Variants in ZNF385D observed in about 807,000 individuals in gnomAD.
The protein encoded by ZNF385D is zinc finger protein 659.
A neutral mutation model predicts 35.8 loss-of-function variants in ZNF385D; 15 were observed. The observed-to-expected ratio is 0.42, with a 90% CI of 0.28 to 0.64. The LOEUF (loss-of-function observed/expected upper bound fraction) is 0.64. ZNF385D is among the 30% of genes least tolerant of loss of function. The pLI, the probability that ZNF385D is intolerant of heterozygous loss-of-function variation, is 0.23. For synonymous variants in ZNF385D, 212 were observed against 186.8 expected, an observed-to-expected ratio of 1.13 and a Z score of -1.10; for missense variants, 474 against 494.6, an observed-to-expected ratio of 0.96 and a Z score of 0.39.
chr3:21,958,069 T>C (rs991781246), intron 3 of ZNF385D, among the ~76,000 whole-genome samples: 2 of 152,154 alleles, frequency 1.3e-5, no homozygotes, highest in African/African-American at 2.4e-5. Flanking sequence ...ATAAAACTGT[T>C]ACAATTCACT....
intron 2 of ZNF385D, among the ~76,000 whole-genome samples, chr3:22,311,223 A>G (rs1057282290): frequency 3.9e-5 from 6 of 152,054 alleles, no homozygotes; most frequent in Non-Finnish European, 2.9e-5. Context: ...TATTACATGA[A>G]TGCTAATACT....
chr3:21,972,527 T>C (rs986489935), intron 3 of ZNF385D, among the ~76,000 whole-genome samples: 5 of 151,790 alleles, frequency 3.3e-5, no homozygotes, highest in African/African-American at 1.2e-4. Context: ...TTTAGAGAAG[T>C]AGAAGATCAA....
At chr3:21,821,121 T>G (rs2073375725) in intron 3 of ZNF385D, among the ~76,000 whole-genome samples, 1 of 152,002 alleles carries the variant, frequency 6.6e-6, no homozygotes, top group African/African-American at 2.4e-5. Context: ...TTATGTAAAC[T>G]CCATTCTTAC....
At chr3:22,127,675 T>A (rs1301055034) in intron 3 of ZNF385D, among the ~76,000 whole-genome samples, 3 of 152,156 alleles carry the variant, frequency 2.0e-5, no homozygotes, top group South Asian at 2.1e-4. Context: ...CCCATGAGGC[T>A]CACAAATATT....
At chr3:22,255,712 TG>T (rs983449911) in intron 2 of ZNF385D, among the ~76,000 whole-genome samples, 16 of 151,856 alleles carry the variant, frequency 1.1e-4, no homozygotes, top group African/African-American at 3.1e-4. Flanking sequence ...TTGTGAGAAG[TG>T]GTAAAGTTTT....
chr3:21,576,875 T>C (rs1396773833), intron 2 of ZNF385D, among the ~76,000 whole-genome samples: 1 of 152,186 alleles, frequency 6.6e-6, no homozygotes, highest in Admixed American at 6.5e-5. Flanking sequence ...CATTATTATT[T>C]TTAATTGATA....
intron 3 of ZNF385D, among the ~76,000 whole-genome samples, chr3:22,063,760 C>T (rs1576249026): frequency 6.6e-6 from 1 of 152,142 alleles, no homozygotes; most frequent in Admixed American, 6.5e-5. Flanking sequence ...CCCTCTTCCC[C>T]TGGGCAGCCT....
intron 3 of ZNF385D, among the ~76,000 whole-genome samples, chr3:22,101,248 C>T (rs553146642): frequency 6.8e-4 from 103 of 151,982 alleles, no homozygotes; most frequent in African/African-American, 2.5e-3. Flanking sequence ...AAATGCTTAC[C>T]TTGTGGGAAA....
At chr3:22,058,099 A>G (rs766328989) in intron 3 of ZNF385D, among the ~76,000 whole-genome samples, 2 of 152,238 alleles carry the variant, frequency 1.3e-5, no homozygotes, top group Non-Finnish European at 2.9e-5. Flanking sequence ...AAGCTGACAG[A>G]CAGCAGAAAG....
chr3:21,950,288 T>C (rs1702002537), intron 3 of ZNF385D, among the ~76,000 whole-genome samples: 1 of 151,874 alleles, frequency 6.6e-6, no homozygotes, highest in Admixed American at 6.5e-5. Context: ...GGTTTTGATT[T>C]GCATTTCTCT....
At chr3:22,361,684 T>C (rs1696414632) in intron 2 of ZNF385D, among the ~76,000 whole-genome samples, 2 of 152,050 alleles carry the variant, frequency 1.3e-5, no homozygotes, top group Admixed American at 6.6e-5. Flanking sequence ...TTTCTCTGTA[T>C]ATGTGGAAAG....
Position 21,751,102 on chromosome 3 carries a change from G to A in ZNF385D, c.-186C>T. The A allele has an allele frequency of 6.7e-7, 1 of 1,482,038 alleles. No homozygotes were observed. Among genetic ancestry groups the A allele is most frequent in the Non-Finnish European group, 9.0e-7 (1 of 1,115,372 alleles). The allele number at this position is 1,482,038 out of a possible 1,614,324, so 91.8% of individuals were successfully genotyped here. ...TTGCAGGCTGCCTTTCCAGGGCTAA[G>A]ATCCCCGGCGGCTGGAGAGTGCGCT... On this transcript the variant is annotated 5_prime_UTR_variant, in exon 1 of 8. Transcript: ENST00000281523.
rs941813353 is a variant in ZNF385D at position 21,461,598 on chromosome 3, A to T, written c.440-24395T>A. ...CAAATCTCCTCTTTGAAATTGTTTTAATTTCAAAGCAGACTATTTAAGACA... is the reference window on the plus strand; with the variant it reads ...CAAATCTCCTCTTTGAAATTGTTTTTATTTCAAAGCAGACTATTTAAGACA... On this transcript the variant is annotated intron_variant, in intron 4 of 7. Transcript: ENST00000281523. Among the ~76,000 whole-genome samples, 3 of 152,230 alleles carry T rather than the reference A, an allele frequency of 2.0e-5. 1 individual carries two copies. Among genetic ancestry groups the T allele is most frequent in the African/African-American group, 7.2e-5 (3 of 41,452 alleles).
In ZNF385D at chr3:21,904,139, A is replaced by G. The variant is rs1326819327; in HGVS notation, c.326-239111T>C. Among the ~76,000 whole-genome samples the G allele has an allele frequency of 3.8e-4, 58 of 151,812 alleles. 1 individual carries two copies. The highest frequency in any genetic ancestry group is 3.8e-3 in the Admixed American group (58 of 15,218). On this transcript the variant is annotated intron_variant, in intron 3 of 5. Transcript: ENST00000494108. ...ACAACATGGTTGAAATCCCATCTCT[A>G]CTAAAAACACAAAAATTAGCTGGGT... is the stretch of plus-strand genomic sequence containing the variant.
chr3:22,351,653 C>A (rs758952226), intron 2 of ZNF385D, among the ~76,000 whole-genome samples: 1 of 152,042 alleles, frequency 6.6e-6, no homozygotes, highest in East Asian at 1.9e-4. Context: ...CCAGTGCAAA[C>A]AAGCCTACAA....
chr3:22,157,318 G>A (rs1443112111), intron 3 of ZNF385D, among the ~76,000 whole-genome samples: 1 of 152,084 alleles, frequency 6.6e-6, no homozygotes, highest in Non-Finnish European at 1.5e-5. Flanking sequence ...CTAGAACAAT[G>A]TAAATGCATG....
At position 21,884,443 on chromosome 3, in the gene ZNF385D, G is replaced by A. The variant is rs55686245; in HGVS notation, c.326-219415C>T. 5.1e-3 allele frequency among the ~76,000 whole-genome samples: 777 copies of A among 152,086 alleles called. 2 individuals are homozygous for A. The highest frequency in any genetic ancestry group is 0.018 in the African/African-American group (736 of 41,506). ...AGAATAGTTGTGTGGCCTCAACTCT[G>A]CTATTAAGTTGGTTCTTGACCTTGG... is the stretch of plus-strand genomic sequence containing the variant. On this transcript the variant is annotated intron_variant, in intron 3 of 5. Transcript: ENST00000494108.
At chr3:22,282,857 A>T (rs927264064) in intron 2 of ZNF385D, among the ~76,000 whole-genome samples, 1 of 152,118 alleles carries the variant, frequency 6.6e-6, no homozygotes, top group African/African-American at 2.4e-5. Context: ...GTGGAATGTA[A>T]ATGGCCTAAG....
intron 2 of ZNF385D, among the ~76,000 whole-genome samples, chr3:22,196,724 A>G (rs1169124629): frequency 6.6e-6 from 1 of 152,006 alleles, no homozygotes; most frequent in African/African-American, 2.4e-5. Flanking sequence ...TTACAATTCT[A>G]CATTTGTTTA....
Sources: gnomAD v4.1 joint callset for allele counts (sites outside exome capture counted in the v4.1 genomes callset) on GRCh38, gnomAD v4.1.1 for gene constraint, MANE v1.5 for transcripts, NCBI Gene and HGNC (gene_info 2026-07-23, HGNC 2026-07-21) for gene names.